The following LINGO2 variants were observed in gnomAD, a reference collection of about 807,000 sequenced individuals.
LINGO2 encodes the protein leucine rich repeat and Ig domain containing 2, also known as leucine-rich repeat and immunoglobulin-like domain-containing nogo receptor-interacting protein 2.
Under a neutral mutation model 30.6 loss-of-function variants are expected in LINGO2, and 14 were observed. That is an observed-to-expected ratio of 0.46 (90% CI 0.30 to 0.72). The LOEUF is 0.72. LINGO2 is among the 30% of genes least tolerant of loss of function. The pLI, the probability that LINGO2 is intolerant of heterozygous loss-of-function variation, is 0.07. For missense variants in LINGO2, 729 were observed against 751.7 expected, an observed-to-expected ratio of 0.97 and a Z score of 0.35; for synonymous variants, 317 against 288.5, an observed-to-expected ratio of 1.10 and a Z score of -1.00.
intron 5 of LINGO2, among the ~76,000 whole-genome samples, chr9:27,955,935 CT>C (rs532878364): frequency 0.29 from 30,341 of 104,678 alleles, 2,495 homozygotes; most frequent in Middle Eastern, 0.41. Context: ...TGGATACTGA[CT>C]TTTTTTTTTT....
chr9:27,937,732 C>T, the LINGO2 span: 1 of 152,038 alleles, frequency 6.6e-6, no homozygotes, highest in Non-Finnish European at 1.5e-5. Flanking sequence ...ATCAGCTCCC[C>T]TCCCACCCCT....
the LINGO2 span, among the ~76,000 whole-genome samples, chr9:28,813,081 A>T: frequency 2.0e-5 from 3 of 152,066 alleles, no homozygotes; most frequent in Admixed American, 6.6e-5. Context: ...AAAAAAAAAA[A>T]AAAAATCTAG....
At chr9:28,573,628 A>G (rs1275058853) in intron 1 of LINGO2, among the ~76,000 whole-genome samples, 3 of 152,172 alleles carry the variant, frequency 2.0e-5, no homozygotes, top group Non-Finnish European at 2.9e-5. Flanking sequence ...TTGTCACATT[A>G]CAGTTTTCTG....
the LINGO2 span, among the ~76,000 whole-genome samples, chr9:29,144,729 G>A: frequency 1.3e-5 from 2 of 152,060 alleles, no homozygotes; most frequent in Non-Finnish European, 2.9e-5. Context: ...CTTATCTCAA[G>A]TGCCCCTTTA....
chr9:28,188,881 T>C (rs1819640395), intron 4 of LINGO2, among the ~76,000 whole-genome samples: 2 of 152,202 alleles, frequency 1.3e-5, no homozygotes, highest in Admixed American at 6.5e-5. Flanking sequence ...AACAAAGGAC[T>C]TTAAAACTGA....
chr9:28,045,066 A>C (rs1212837410), intron 4 of LINGO2, among the ~76,000 whole-genome samples: 1 of 151,996 alleles, frequency 6.6e-6, no homozygotes, highest in East Asian at 1.9e-4. Context: ...GAACCAGTAG[A>C]AGTCAGGCAA....
chr9:29,035,309 G>A, the LINGO2 span, among the ~76,000 whole-genome samples: 1 of 152,108 alleles, frequency 6.6e-6, no homozygotes, highest in South Asian at 2.1e-4. Flanking sequence ...GATAGAAGTA[G>A]TGGAACAGGT....
the LINGO2 span, among the ~76,000 whole-genome samples, chr9:28,989,462 G>A: frequency 6.6e-6 from 1 of 152,142 alleles, no homozygotes; most frequent in African/African-American, 2.4e-5. Flanking sequence ...ATGACAAATT[G>A]TAACTCGATC....
At chr9:29,098,372 C>T in the LINGO2 span, among the ~76,000 whole-genome samples, 5 of 151,992 alleles carry the variant, frequency 3.3e-5, no homozygotes, top group African/African-American at 1.2e-4. Flanking sequence ...AAACAAAAGG[C>T]ATATAACTAG....
intron 1 of LINGO2, among the ~76,000 whole-genome samples, chr9:28,635,680 TA>T (rs1159585758): frequency 1.3e-5 from 2 of 152,000 alleles, no homozygotes; most frequent in Non-Finnish European, 2.9e-5. Context: ...TAAGTAAAAG[TA>T]AAAAAATATT....
the LINGO2 span, among the ~76,000 whole-genome samples, chr9:29,004,130 G>C: frequency 2.6e-5 from 4 of 151,960 alleles, no homozygotes; most frequent in Admixed American, 2.6e-4. Flanking sequence ...TTATACAAAA[G>C]AAAGAAATTA....
intron 1 of LINGO2, among the ~76,000 whole-genome samples, chr9:28,553,279 T>G (rs1452177284): frequency 6.6e-6 from 1 of 152,014 alleles, no homozygotes; most frequent in Non-Finnish European, 1.5e-5. Context: ...GTAACTAGAA[T>G]AACCAATACA....
intron 3 of LINGO2, among the ~76,000 whole-genome samples, chr9:28,365,044 A>G (rs1262102787): frequency 6.6e-6 from 1 of 152,228 alleles, no homozygotes; most frequent in African/African-American, 2.4e-5. Context: ...CATCATGTTA[A>G]GTGCTATAAT....
chr9:28,608,661 G>C (rs2135775720), intron 1 of LINGO2, among the ~76,000 whole-genome samples: 1 of 151,894 alleles, frequency 6.6e-6, no homozygotes, highest in Non-Finnish European at 1.5e-5. Context: ...TTGTAGGGTA[G>C]GTCTTTTCCA....
chr9:28,539,908 GTA>G (rs1039968483), intron 1 of LINGO2, among the ~76,000 whole-genome samples: 2 of 151,880 alleles, frequency 1.3e-5, no homozygotes, highest in African/African-American at 4.8e-5. Context: ...GGAGCAGCTG[GTA>G]AACAATATGA....
the LINGO2 span, among the ~76,000 whole-genome samples, chr9:29,208,712 T>C: frequency 6.6e-6 from 1 of 152,152 alleles, no homozygotes; most frequent in African/African-American, 2.4e-5. Flanking sequence ...ATAGAGTAGG[T>C]AGATATTAAA....
intron 1 of LINGO2, among the ~76,000 whole-genome samples, chr9:28,515,412 T>C (rs1284449850): frequency 6.6e-6 from 1 of 152,100 alleles, no homozygotes; most frequent in Non-Finnish European, 1.5e-5. Flanking sequence ...TTCACCGTGT[T>C]AGCCAGGATG....
the LINGO2 span, among the ~76,000 whole-genome samples, chr9:28,898,365 A>G: frequency 6.6e-6 from 1 of 152,158 alleles, no homozygotes; most frequent in Non-Finnish European, 1.5e-5. Context: ...AAAAAAGAAT[A>G]AATAGCATGA....
intron 5 of LINGO2, among the ~76,000 whole-genome samples, chr9:27,980,864 T>C (rs1820821161): frequency 2.0e-5 from 3 of 151,878 alleles, no homozygotes; most frequent in Admixed American, 6.6e-5. Context: ...TGGTGAGGAC[T>C]CTGTTTATGT....
Sources: gnomAD v4.1 joint callset for allele counts (sites outside exome capture counted in the v4.1 genomes callset) on GRCh38, gnomAD v4.1.1 for gene constraint, MANE v1.5 for transcripts, NCBI Gene and HGNC (gene_info 2026-07-23, HGNC 2026-07-21) for gene names.